MAST2: variants seen among roughly 807,000 people sequenced by gnomAD.
The protein encoded by MAST2 is microtubule associated serine/threonine kinase 2.
Under a neutral mutation model 147.4 loss-of-function variants are expected in MAST2, and 70 were observed. The ratio of observed to expected loss-of-function variants is 0.47; its 90% CI spans 0.39 to 0.58. The LOEUF (loss-of-function observed/expected upper bound fraction) is 0.58. MAST2 is among the 20% of genes least tolerant of loss of function. MAST2 has a pLI of 0.00. For missense variants in MAST2, 2,080 were observed against 2,302.3 expected, an observed-to-expected ratio of 0.90 and a Z score of 1.98; for synonymous variants, 869 against 896.8, an observed-to-expected ratio of 0.97 and a Z score of 0.55.
chr1:45,946,579 A>G (rs1263822839), intron 4 of MAST2, among the ~76,000 whole-genome samples: 2 of 152,182 alleles, frequency 1.3e-5, no homozygotes, highest in Non-Finnish European at 2.9e-5. Context: ...TAACTGTTGC[A>G]GGAACATGTA....
At position 46,034,210 on chromosome 1, in the gene MAST2, T is replaced by C. The variant is rs970724281; in HGVS notation, c.3812T>C (p.Leu1271Pro). Residue 1271 changes from leucine (L) to proline (P), a missense_variant, in exon 28 of 29, where the codon CTT (leucine) becomes CCT (proline). This residue lies in a region of MAST2 where 1,278 missense variants were observed against 1,304.2 expected (regional missense o/e 0.98). Coordinates refer to ENST00000361297, the MANE Select transcript of MAST2 (RefSeq NM_015112.3). Reference sequence around the variant, plus strand: ...GGCTCTCCCACACACAGCCACAGCCTTTCCCCCCGATCTCCCACTCAAGGC... The same window carrying C: ...GGCTCTCCCACACACAGCCACAGCCCTTCCCCCCGATCTCCCACTCAAGGC... ...GPGSPTHSHS[L>P]SPRSPTQGYR... 6.2e-7 allele frequency: 1 copy of C among 1,614,016 alleles called. No individual in the cohort carries two copies. The highest frequency in any genetic ancestry group is 1.3e-5 in the African/African-American group (1 of 75,006).
intron 4 of MAST2, among the ~76,000 whole-genome samples, chr1:45,939,113 C>T (rs1463109625): frequency 4.0e-5 from 6 of 151,304 alleles, no homozygotes; most frequent in African/African-American, 1.2e-4. Context: ...CTAACCCAAG[C>T]TGTTTTTTTT....
intron 4 of MAST2, among the ~76,000 whole-genome samples, chr1:45,949,287 C>T (rs144025905): frequency 1.3e-5 from 2 of 152,186 alleles, no homozygotes; most frequent in African/African-American, 4.8e-5. Flanking sequence ...AAACAGACAA[C>T]CTACAGAATA....
At chr1:46,018,498 G>A (rs1020321990) in intron 10 of MAST2, among the ~76,000 whole-genome samples, 4 of 152,176 alleles carry the variant, frequency 2.6e-5, no homozygotes, top group Non-Finnish European at 5.9e-5. Flanking sequence ...GAATTGAAGC[G>A]AGGGATATAA....
At chr1:46,019,988 T>C (rs1373297960) in intron 11 of MAST2, among the ~76,000 whole-genome samples, 4 of 152,114 alleles carry the variant, frequency 2.6e-5, no homozygotes, top group Non-Finnish European at 4.4e-5. Flanking sequence ...TAGCCCAGTT[T>C]AGTTTGTACA....
At chr1:45,828,501 T>C (rs538361921) in intron 2 of MAST2, among the ~76,000 whole-genome samples, 16 of 152,240 alleles carry the variant, frequency 1.1e-4, no homozygotes, top group Non-Finnish European at 1.8e-4. Context: ...TATCTTCAAA[T>C]AGTAAGGAGC....
In MAST2 at chr1:46,010,958, G is replaced by A; in HGVS notation, c.1188+19G>A. 6.2e-7 allele frequency: 1 copy of A among 1,607,040 alleles called. No homozygotes were observed. The highest frequency in any genetic ancestry group is 8.5e-7 in the Non-Finnish European group (1 of 1,174,026). On this transcript the variant is annotated intron_variant, in intron 10 of 28. Transcript: ENST00000361297. ...ACAAGATGTGAGTGTCCTTGTGCTG[G>A]GGTTCTGAAAAAACCTCCACCTGGT...
At chr1:45,870,644 G>A (rs1211457177) in intron 3 of MAST2, among the ~76,000 whole-genome samples, 1 of 151,350 alleles carries the variant, frequency 6.6e-6, no homozygotes, top group East Asian at 1.9e-4. Context: ...GTGGAATGCC[G>A]AGTACAGTGG....
intron 4 of MAST2, among the ~76,000 whole-genome samples, chr1:45,943,343 A>G (rs181496288): frequency 6.2e-4 from 94 of 152,210 alleles, no homozygotes; most frequent in Middle Eastern, 3.4e-3. Flanking sequence ...GATTTATGTG[A>G]TCATCTGATA....
chr1:45,900,930 T>C (rs1012690566), intron 4 of MAST2, among the ~76,000 whole-genome samples: 1 of 152,194 alleles, frequency 6.6e-6, no homozygotes, highest in Non-Finnish European at 1.5e-5. Flanking sequence ...TTGGCAGATA[T>C]TTTCTCCCAT....
chr1:46,035,690 C>T lies in MAST2; in HGVS notation c.5021C>T (p.Ala1674Val), dbSNP rs778581503. The T allele has an allele frequency of 5.6e-6, 9 of 1,613,952 alleles. No homozygotes were observed. The highest frequency in any genetic ancestry group is 4.4e-5 in the South Asian group (4 of 91,070). ...GACAGGGCATCCCCAAGCAGAAAGG[C>T]AACCATGGCAGGTGGGCTAGCCAAC... ...GPDRASPSRK[A>V]TMAGGLANLQ... The change falls in exon 29 of 29, where the codon GCA becomes GTA. Residue 1674 changes from alanine (A) to valine (V), a missense_variant. By Grantham distance (64) the Ala-to-Val change is moderately conservative (BLOSUM62 0). Coordinates refer to ENST00000361297, the MANE Select transcript of MAST2 (RefSeq NM_015112.3). This position sits in a 1 kb window ranked among gnomAD's most constrained non-coding sequence, Gnocchi z 5.5.
At chr1:45,929,868 AAATGT>A (rs1570767261) in intron 4 of MAST2, among the ~76,000 whole-genome samples, 1 of 152,106 alleles carries the variant, frequency 6.6e-6, no homozygotes, top group African/African-American at 2.4e-5. Context: ...GTCAAAAATT[AAATGT>A]ATATGTAGTT....
intron 4 of MAST2, among the ~76,000 whole-genome samples, chr1:45,928,726 A>G (rs971711846): frequency 6.6e-6 from 1 of 151,958 alleles, no homozygotes; most frequent in Non-Finnish European, 1.5e-5. Flanking sequence ...GACTACAGAC[A>G]TGCACCAGAA....
chr1:45,880,880 A>T (rs1362334015), intron 3 of MAST2, among the ~76,000 whole-genome samples: 1 of 149,624 alleles, frequency 6.7e-6, no homozygotes, highest in Non-Finnish European at 1.5e-5. Context: ...CTGGAGGCTG[A>T]GGCAGTAGAA....
intron 10 of MAST2, among the ~76,000 whole-genome samples, chr1:46,015,447 AAG>A (rs879944543): frequency 1.3e-5 from 2 of 152,236 alleles, no homozygotes; most frequent in Admixed American, 1.3e-4. Flanking sequence ...TAAAGAAGAA[AAG>A]AGAGAAGAAT....
intron 3 of MAST2, among the ~76,000 whole-genome samples, chr1:45,830,871 A>C (rs1038234597): frequency 6.6e-6 from 1 of 151,584 alleles, no homozygotes; most frequent in Admixed American, 6.6e-5. Flanking sequence ...AAATAATAAT[A>C]ATCATAAAAA....
At chr1:45,987,776 G>GTTTTTTTTTTTTTTTTT (rs1644692974) in intron 5 of MAST2, among the ~76,000 whole-genome samples, 25 of 30,706 alleles carry the variant, frequency 8.1e-4, no homozygotes, top group South Asian at 1.3e-3. Flanking sequence ...TTTTTTTTTT[G>GTTTTTTTTTTTTTTTTT]ATTTTTTTTT....
intron 1 of MAST2, among the ~76,000 whole-genome samples, chr1:45,813,874 G>A (rs2148654770): frequency 6.6e-6 from 1 of 152,168 alleles, no homozygotes; most frequent in East Asian, 1.9e-4. Flanking sequence ...CTGGTCTTGA[G>A]CTCTTGGCCT....
At chr1:45,821,885 C>CTTTTTTTTTT (rs71587723) in intron 1 of MAST2, among the ~76,000 whole-genome samples, 2 of 100,838 alleles carry the variant, frequency 2.0e-5, no homozygotes, top group Non-Finnish European at 3.8e-5. Flanking sequence ...TCACCTTCAC[C>CTTTTTTTTTT]TTTTTTTTTT....
Sources: allele counts gnomAD v4.1 joint callset (sites outside exome capture counted in the v4.1 genomes callset), GRCh38; gene constraint gnomAD v4.1.1; regional missense constraint gnomAD v4.1.1; non-coding constraint Gnocchi (gnomAD v3.1); transcripts MANE v1.5; gene names NCBI Gene and HGNC (gene_info 2026-07-23, HGNC 2026-07-21).